The following TRHDE variants were observed in gnomAD, a reference collection of about 807,000 sequenced individuals.
The protein encoded by TRHDE is thyrotropin-releasing hormone-degrading ectoenzyme.
Under a neutral mutation model 125.7 loss-of-function variants are expected in TRHDE, and 72 were observed. That is an observed-to-expected ratio of 0.57 (90% CI 0.47 to 0.70). TRHDE has a LOEUF of 0.70. Among genes scored for constraint, TRHDE ranks in the 30% least tolerant of loss-of-function variants. The probability of loss-of-function intolerance (pLI) is 0.00; values close to 1 mark genes in which losing one functional copy is unlikely to be tolerated. For missense variants in TRHDE, 1,110 were observed against 1,327.1 expected, an observed-to-expected ratio of 0.84 and a Z score of 2.54; for synonymous variants, 509 against 509.1, an observed-to-expected ratio of 1.00 and a Z score of 0.00.
At chr12:72,221,959 G>C (rs1878009891) in intron 2 of TRHDE, among the ~76,000 whole-genome samples, 1 of 152,050 alleles carries the variant, frequency 6.6e-6, no homozygotes, top group African/African-American at 2.4e-5. Context: ...TCTGTGTAGT[G>C]TCAGGGCCTC....
intron 2 of TRHDE, among the ~76,000 whole-genome samples, chr12:72,150,439 G>A (rs534994138): frequency 3.3e-5 from 5 of 151,262 alleles, no homozygotes; most frequent in African/African-American, 7.3e-5. Context: ...GGGTACATGT[G>A]CACTACGTGC....
chr12:72,469,044 T>C (rs1329664791), intron 3 of TRHDE, among the ~76,000 whole-genome samples: 1 of 152,180 alleles, frequency 6.6e-6, no homozygotes, highest in African/African-American at 2.4e-5. Context: ...TAATCATAGA[T>C]ATTTGGAGCT....
At chr12:72,514,376 T>A (rs1261873402) in intron 6 of TRHDE, among the ~76,000 whole-genome samples, 2 of 151,952 alleles carry the variant, frequency 1.3e-5, no homozygotes, top group Non-Finnish European at 2.9e-5. Flanking sequence ...AAAAGAGACA[T>A]TATAAGCAAA....
At position 72,670,252 on chromosome 12, in the gene TRHDE, C is replaced by A. The variant is rs1394361851; in HGVS notation, c.*7057C>A. 1 of 151,706 alleles carries A rather than the reference C, an allele frequency of 6.6e-6. No individual in the cohort carries two copies. Among genetic ancestry groups the A allele is most frequent in the Admixed American group, 6.6e-5 (1 of 15,186 alleles). The allele number at this position is 151,706 out of a possible 1,614,324, so 9.4% of individuals were successfully genotyped here. A position where few individuals can be genotyped will look rare whatever the true frequency, so the allele number is the denominator to read the frequency against. On this transcript the variant is annotated 3_prime_UTR_variant, in exon 19 of 19. Coordinates refer to ENST00000261180, the MANE Select transcript of TRHDE (RefSeq NM_013381.3). ...AATAAAGCAGTGACCAAATAAATAA[C>A]CTTTTGTTAGTTTAGCAGATAAATG...
chr12:72,174,870 A>G (rs1876953903), intron 2 of TRHDE, among the ~76,000 whole-genome samples: 1 of 152,148 alleles, frequency 6.6e-6, no homozygotes, highest in Non-Finnish European at 1.5e-5. Flanking sequence ...TCCTTTTGCT[A>G]TTACTAAATA....
intron 7 of TRHDE, among the ~76,000 whole-genome samples, chr12:72,549,942 C>T (rs1565786815): frequency 6.6e-6 from 1 of 151,578 alleles, no homozygotes; most frequent in Non-Finnish European, 1.5e-5. Context: ...ATAATATTAA[C>T]TAAAAAACTC....
chr12:72,591,210 A>G (rs1330603117), intron 12 of TRHDE, among the ~76,000 whole-genome samples: 1 of 152,202 alleles, frequency 6.6e-6, no homozygotes, highest in Non-Finnish European at 1.5e-5. Context: ...GGTCCCTCCA[A>G]CAACATGAGG....
intron 2 of TRHDE, among the ~76,000 whole-genome samples, chr12:72,376,899 G>C (rs2135773692): frequency 6.6e-6 from 1 of 151,004 alleles, no homozygotes; most frequent in East Asian, 1.9e-4. Flanking sequence ...TATTTGAAAA[G>C]AACACAAATT....
intron 12 of TRHDE, among the ~76,000 whole-genome samples, chr12:72,577,405 A>T (rs1871045659): frequency 6.6e-6 from 1 of 152,166 alleles, no homozygotes; most frequent in South Asian, 2.1e-4. Flanking sequence ...ACAGCTGATA[A>T]TTGGGAGAGC....
intron 12 of TRHDE, among the ~76,000 whole-genome samples, chr12:72,579,431 C>T (rs868791034): frequency 2.0e-5 from 3 of 152,068 alleles, no homozygotes; most frequent in Admixed American, 1.3e-4. Flanking sequence ...AAATTAAAAA[C>T]AAAAGATTAA....
At chr12:72,206,398 G>A (rs1877666332) in intron 2 of TRHDE, among the ~76,000 whole-genome samples, 1 of 152,162 alleles carries the variant, frequency 6.6e-6, no homozygotes, top group Non-Finnish European at 1.5e-5. Context: ...CAGCAGGACT[G>A]ATTGTTATTT....
intron 1 of TRHDE, among the ~76,000 whole-genome samples, chr12:72,102,728 C>A (rs916566032): frequency 1.3e-5 from 2 of 152,110 alleles, no homozygotes; most frequent in African/African-American, 4.8e-5. Flanking sequence ...TTAAAATATG[C>A]CCCTGTGAAG....
intron 6 of TRHDE, among the ~76,000 whole-genome samples, chr12:72,540,193 T>C (rs1310909735): frequency 6.6e-6 from 1 of 151,730 alleles, no homozygotes; most frequent in African/African-American, 2.4e-5. Context: ...AAAAGGCTAG[T>C]TAAACATAGA....
intron 15 of TRHDE, among the ~76,000 whole-genome samples, chr12:72,644,003 A>C (rs1309205709): frequency 6.6e-6 from 1 of 152,160 alleles, no homozygotes; most frequent in Non-Finnish European, 1.5e-5. Flanking sequence ...TACCCTCTTG[A>C]AGGGTATACA....
At position 72,197,296 on chromosome 12, in the gene TRHDE, G is replaced by A. The variant is rs139798799; in HGVS notation, n.279+91544G>A. ...TTCCCATTCTACTCCATTTAAAATG[G>A]CAACCCACAATGGTACTTTCTTTCT... On this transcript the variant is annotated intron_variant and non_coding_transcript_variant, in intron 2 of 4. Coordinates refer to the TRHDE transcript ENST00000548156. Among the ~76,000 whole-genome samples, 144 of 152,060 alleles carry A rather than the reference G, an allele frequency of 9.5e-4. 1 individual carries two copies. The highest frequency in any genetic ancestry group is 3.4e-3 in the Middle Eastern group (1 of 294).
intron 3 of TRHDE, among the ~76,000 whole-genome samples, chr12:72,396,311 T>C (rs1872786794): frequency 6.6e-6 from 1 of 152,180 alleles, no homozygotes; most frequent in Non-Finnish European, 1.5e-5. Flanking sequence ...ATTCTTTACC[T>C]CCCATTATCC....
At chr12:72,559,661 T>A (rs140917693) in intron 7 of TRHDE, among the ~76,000 whole-genome samples, 4 of 152,368 alleles carry the variant, frequency 2.6e-5, no homozygotes, top group African/African-American at 9.6e-5. Flanking sequence ...TCTTCTATTT[T>A]ATATCATAAT....
chr12:72,145,538 A>G (rs533779480), intron 2 of TRHDE, among the ~76,000 whole-genome samples: 2 of 152,306 alleles, frequency 1.3e-5, no homozygotes, highest in East Asian at 1.9e-4. Flanking sequence ...AGTTTCATAG[A>G]TGGTTCTAAG....
chr12:72,585,839 A>T (rs1250486822), intron 12 of TRHDE, among the ~76,000 whole-genome samples: 1 of 152,224 alleles, frequency 6.6e-6, no homozygotes. Flanking sequence ...AACAACTCAA[A>T]ATAAAAATCC....
Sources: gnomAD v4.1 joint callset for allele counts (sites outside exome capture counted in the v4.1 genomes callset) on GRCh38, gnomAD v4.1.1 for gene constraint, MANE v1.5 for transcripts, NCBI Gene and HGNC (gene_info 2026-07-23, HGNC 2026-07-21) for gene names.